The following PDE4D variants were observed in gnomAD, a reference collection of about 807,000 sequenced individuals.
The protein encoded by PDE4D is 3',5'-cyclic-AMP phosphodiesterase 4D.
In PDE4D, 24 loss-of-function variants were observed where a neutral mutation model predicts 87.4. The ratio of observed to expected loss-of-function variants is 0.27; its 90% CI spans 0.20 to 0.39. The LOEUF (loss-of-function observed/expected upper bound fraction) is 0.39, where lower values mean the gene tolerates loss of function less well. Ranked by LOEUF, PDE4D falls within the 10% of genes least tolerant of loss-of-function variation. The probability of loss-of-function intolerance (pLI) is 1.00; values close to 1 mark genes in which losing one functional copy is unlikely to be tolerated. For synonymous variants in PDE4D, 384 were observed against 383.2 expected (o/e 1.00, Z -0.02); for missense variants, 714 against 1,041.0 (o/e 0.69, Z 4.32).
chr5:59,843,744 C>G (rs961233062), intron 1 of PDE4D, among the ~76,000 whole-genome samples: 3 of 152,050 alleles, frequency 2.0e-5, no homozygotes, highest in African/African-American at 7.2e-5. Context: ...TAACTGTGAG[C>G]TTCAAGTCCA....
At chr5:59,423,717 T>C (rs919741659) in intron 1 of PDE4D, among the ~76,000 whole-genome samples, 7 of 152,014 alleles carry the variant, frequency 4.6e-5, no homozygotes, top group Non-Finnish European at 7.4e-5. Context: ...CTAGTAGTTA[T>C]TTATACCTAA....
chr5:60,375,441 T>C (rs777545004), intron 1 of PDE4D, among the ~76,000 whole-genome samples: 1 of 152,206 alleles, frequency 6.6e-6, no homozygotes, highest in Non-Finnish European at 1.5e-5. Context: ...GGATCATTAT[T>C]TTACAGATAA....
At chr5:60,367,701 C>T (rs1760677181) in intron 1 of PDE4D, among the ~76,000 whole-genome samples, 1 of 152,032 alleles carries the variant, frequency 6.6e-6, no homozygotes, top group Admixed American at 6.6e-5. Context: ...TGCCCTGGCT[C>T]AGTATGCTTG....
chr5:59,825,307 C>T (rs1770191471), intron 1 of PDE4D, among the ~76,000 whole-genome samples: 5 of 152,182 alleles, frequency 3.3e-5, no homozygotes, highest in Admixed American at 3.3e-4. Context: ...CTAACCCAGG[C>T]CTACGCTGAA....
intron 6 of PDE4D, among the ~76,000 whole-genome samples, chr5:59,007,687 G>GA (rs987893109): frequency 6.6e-6 from 1 of 151,978 alleles, no homozygotes; most frequent in Non-Finnish European, 1.5e-5. Flanking sequence ...ATTTGATTAA[G>GA]AAAAAACTAT....
At chr5:59,950,794 C>A (rs1199662565) in intron 3 of PDE4D, among the ~76,000 whole-genome samples, 1 of 151,904 alleles carries the variant, frequency 6.6e-6, no homozygotes, top group African/African-American at 2.4e-5. Flanking sequence ...TTAATTTCTT[C>A]TTTTTTCCTC....
chr5:60,200,341 G>T (rs965423346), intron 1 of PDE4D, among the ~76,000 whole-genome samples: 1 of 151,546 alleles, frequency 6.6e-6, no homozygotes, highest in Non-Finnish European at 1.5e-5. Context: ...GTTATTTTAT[G>T]TTTTAGGGAA....
chr5:59,547,481 A>G (rs1338388927), intron 1 of PDE4D, among the ~76,000 whole-genome samples: 1 of 145,408 alleles, frequency 6.9e-6, no homozygotes, highest in Non-Finnish European at 1.5e-5. Context: ...TAAGAAGGAA[A>G]TAAGTAATGA....
intron 1 of PDE4D, among the ~76,000 whole-genome samples, chr5:59,512,089 C>T (rs1283388317): frequency 6.6e-6 from 1 of 152,134 alleles, no homozygotes; most frequent in Non-Finnish European, 1.5e-5. Context: ...TGCTCAACTG[C>T]TCACAGTCAT....
chr5:59,670,416 C>A (rs1274234232), intron 1 of PDE4D, among the ~76,000 whole-genome samples: 1 of 152,182 alleles, frequency 6.6e-6, no homozygotes, highest in Admixed American at 6.5e-5. Context: ...AAATTCCACA[C>A]CTGACCTCAT....
intron 5 of PDE4D, among the ~76,000 whole-genome samples, chr5:59,072,334 C>A (rs1764986277): frequency 6.6e-6 from 1 of 152,186 alleles, no homozygotes; most frequent in African/African-American, 2.4e-5. Flanking sequence ...CTTCGGAATT[C>A]ATTCAACAAA....
At chr5:59,567,848 T>C (rs1821200008) in intron 1 of PDE4D, among the ~76,000 whole-genome samples, 1 of 152,142 alleles carries the variant, frequency 6.6e-6, no homozygotes, top group African/African-American at 2.4e-5. Flanking sequence ...TTTGAAAATA[T>C]CAGTATGAAC....
intron 5 of PDE4D, among the ~76,000 whole-genome samples, chr5:59,057,915 C>T (rs1762589927): frequency 6.6e-6 from 1 of 152,106 alleles, no homozygotes; most frequent in African/African-American, 2.4e-5. Context: ...AAATCCAGGG[C>T]TCCTTGTAGA....
rs180685102 is a variant in PDE4D at position 59,110,516 on chromosome 5, A to G, written c.808+70079T>C. The stretch of plus-strand genomic sequence containing the variant: ...AGGCATTGTTTCAAGCACTATGTAG[A>G]TTATCTTATTTAATCCTTATACCAA... On this transcript the variant is annotated intron_variant, in intron 5 of 14. Coordinates refer to ENST00000340635, the MANE Select transcript of PDE4D (RefSeq NM_001104631.2). Among the ~76,000 whole-genome samples, 142 of 152,332 alleles carry G rather than the reference A, an allele frequency of 9.3e-4. 2 individuals carry two copies. The highest frequency in any genetic ancestry group is 3.3e-3 in the African/African-American group (137 of 41,570).
chr5:60,110,771 A>C (rs1323156561), intron 2 of PDE4D, among the ~76,000 whole-genome samples: 1 of 152,124 alleles, frequency 6.6e-6, no homozygotes, highest in East Asian at 1.9e-4. Flanking sequence ...CCAACAGACA[A>C]ATAGATAAAG....
intron 1 of PDE4D, among the ~76,000 whole-genome samples, chr5:59,702,366 T>A (rs1752703459): frequency 6.6e-6 from 1 of 152,124 alleles, no homozygotes; most frequent in African/African-American, 2.4e-5. Flanking sequence ...GACCTTGTGA[T>A]CTGCCTGCCT....
At chr5:60,104,801 T>C (rs1329768146) in intron 2 of PDE4D, among the ~76,000 whole-genome samples, 1 of 152,052 alleles carries the variant, frequency 6.6e-6, no homozygotes, top group African/African-American at 2.4e-5. Context: ...CAGCTGAGGG[T>C]CCTGTCTCTT....
At chr5:59,818,535 T>A (rs1434187700) in intron 1 of PDE4D, among the ~76,000 whole-genome samples, 1 of 152,218 alleles carries the variant, frequency 6.6e-6, no homozygotes, top group Admixed American at 6.5e-5. Context: ...TTCAATTAAA[T>A]CTTTTCTGAG....
At chr5:59,040,196 T>A (rs1759443876) in intron 5 of PDE4D, 1 of 152,276 alleles carries the variant, frequency 6.6e-6, no homozygotes, top group African/African-American at 2.4e-5. Context: ...CGCATTCTTT[T>A]TCTACCCAGC....
Sources: allele counts gnomAD v4.1 joint callset (sites outside exome capture counted in the v4.1 genomes callset), GRCh38; gene constraint gnomAD v4.1.1; transcripts MANE v1.5; gene names NCBI Gene and HGNC (gene_info 2026-07-23, HGNC 2026-07-21).